ARHGAP8: variants seen among roughly 807,000 people sequenced by gnomAD.
ARHGAP8 encodes rho GTPase-activating protein 8.
A neutral mutation model predicts 46.1 loss-of-function variants in ARHGAP8; 62 were observed. The observed-to-expected ratio is 1.34, with a 90% confidence interval of 1.10 to 1.66. ARHGAP8 has a LOEUF of 1.66. Ranked by LOEUF, ARHGAP8 falls within the 40% of genes most tolerant of loss-of-function variation. ARHGAP8 has a pLI of 0.00. For synonymous variants in ARHGAP8, 375 were observed against 243.1 expected (o/e 1.54, Z -5.05); for missense variants, 923 against 568.4 (o/e 1.62, Z -6.34).
intron 1 of ARHGAP8, among the ~76,000 whole-genome samples, chr22:44,764,476 G>A (rs747736242): frequency 1.3e-5 from 2 of 152,202 alleles, no homozygotes; most frequent in Non-Finnish European, 2.9e-5. Flanking sequence ...TGGCGCGTGC[G>A]ACGGTGGTTC....
chr22:44,825,432 GCTGCCAGCTGCCC>G, intron 6 of ARHGAP8, 38 bp from the exon 7 acceptor site: 2 of 1,572,908 alleles, frequency 1.3e-6, no homozygotes, highest in Non-Finnish European at 1.7e-6. Flanking sequence ...CGCCTCCGTG[GCTGCCAGCTGCCC>G]CTGCCAGGTG....
intron 1 of ARHGAP8, among the ~76,000 whole-genome samples, chr22:44,781,243 A>G (rs1350394458): frequency 1.3e-5 from 2 of 151,834 alleles, no homozygotes; most frequent in African/African-American, 2.4e-5. Flanking sequence ...TTTTACATAC[A>G]TTGCTTGGTT....
chr22:44,859,846 A>AC lies in ARHGAP8; in HGVS notation c.981+12_981+13insC. The AC allele has an allele frequency of 6.2e-7, 1 of 1,612,496 alleles. No homozygotes were observed. Among genetic ancestry groups the AC allele is most frequent in the Non-Finnish European group, 8.5e-7 (1 of 1,179,338 alleles). On this transcript the variant is annotated intron_variant, in intron 11 of 11. Coordinates refer to ENST00000356099, the MANE Select transcript of ARHGAP8 (RefSeq NM_181335.3). ...GCTTCCTGCATGCGGTGAGTGGGGA[A>AC]GGGGGGAGCTTGGGGTGAAGCCCAG...
At chr22:44,754,430 A>G (rs1294517295) in intron 1 of ARHGAP8, among the ~76,000 whole-genome samples, 1 of 151,380 alleles carries the variant, frequency 6.6e-6, no homozygotes, top group Non-Finnish European at 1.5e-5. Flanking sequence ...ATCTCAGCTC[A>G]CTGCAACCTC....
At chr22:44,849,149 C>T (rs1208075061) in intron 10 of ARHGAP8, 89 bp downstream of exon 10, 6 of 1,583,720 alleles carry the variant, frequency 3.8e-6, no homozygotes, top group East Asian at 4.5e-5. Context: ...TCTGGGGTGG[C>T]CGAGGTGACG....
rs796490147 is a variant in ARHGAP8 at position 44,827,336 on chromosome 22, G to GTTTTTTTTTTTT, written c.596+1758_596+1769dup. Among the ~76,000 whole-genome samples the GTTTTTTTTTTTT allele has an allele frequency of 4.6e-3, 312 of 67,266 alleles. 68 individuals are homozygous for GTTTTTTTTTTTT. Among genetic ancestry groups the GTTTTTTTTTTTT allele is most frequent in the Non-Finnish European group, 5.3e-3 (206 of 38,954 alleles). 44.1% of individuals were successfully genotyped at this position (67,266 alleles called of 152,430 possible). On this transcript the variant is annotated intron_variant, in intron 7 of 11. Transcript: ENST00000356099. ...GGTGAGATAATACATTTGGGTGGTG[G>GTTTTTTTTTTTT]TTTTTTTTTTTTTTTTTTTTTTTTT...
At chr22:44,860,131 CCTGCTTGGGCTGAGT>C (rs1244489112) in intron 11 of ARHGAP8, among the ~76,000 whole-genome samples, 2 of 152,114 alleles carry the variant, frequency 1.3e-5, no homozygotes, top group African/African-American at 4.8e-5. Context: ...CATGTCATTT[CCTGCTTGGGCTGAGT>C]CTCTAGGAGG....
chr22:44,858,885 A>G (rs931867903), intron 10 of ARHGAP8, among the ~76,000 whole-genome samples: 14 of 151,776 alleles, frequency 9.2e-5, no homozygotes, highest in African/African-American at 3.1e-4. Context: ...TTTCTGTAAA[A>G]GGCCAGATAG....
intron 1 of ARHGAP8, among the ~76,000 whole-genome samples, chr22:44,773,156 G>A (rs1926170105): frequency 6.6e-6 from 1 of 152,156 alleles, no homozygotes; most frequent in Non-Finnish European, 1.5e-5. Flanking sequence ...GTACTAGATA[G>A]TGGGCTATTC....
At chr22:44,821,698 C>G (rs1023082387) in intron 5 of ARHGAP8, among the ~76,000 whole-genome samples, 1 of 152,230 alleles carries the variant, frequency 6.6e-6, no homozygotes, top group Non-Finnish European at 1.5e-5. Flanking sequence ...CTGCAAATAG[C>G]CTTGCATTGT....
chr22:44,760,024 C>T (rs963411088), intron 1 of ARHGAP8, among the ~76,000 whole-genome samples: 1 of 152,198 alleles, frequency 6.6e-6, no homozygotes, highest in African/African-American at 2.4e-5. Context: ...CCCCCTTGCC[C>T]TTTCAGGGTG....
chr22:44,861,868 G>C (rs1324395664), intron 11 of ARHGAP8, among the ~76,000 whole-genome samples: 1 of 152,150 alleles, frequency 6.6e-6, no homozygotes, highest in Non-Finnish European at 1.5e-5. Context: ...CCCTCGTAGT[G>C]GCCCCTAGAT....
At chr22:44,807,912 G>A (rs1929046796) in intron 3 of ARHGAP8, among the ~76,000 whole-genome samples, 1 of 152,214 alleles carries the variant, frequency 6.6e-6, no homozygotes, top group Non-Finnish European at 1.5e-5. Flanking sequence ...TGCCTTAGAA[G>A]GATGCATGTG....
intron 1 of ARHGAP8, among the ~76,000 whole-genome samples, chr22:44,758,501 G>T (rs1924866119): frequency 6.6e-6 from 1 of 152,208 alleles, no homozygotes; most frequent in Non-Finnish European, 1.5e-5. Context: ...CAGGCAGCCG[G>T]TGAGGAGGTA....
chr22:44,839,667 C>T (rs1359297547), intron 7 of ARHGAP8, among the ~76,000 whole-genome samples: 1 of 152,142 alleles, frequency 6.6e-6, no homozygotes, highest in African/African-American at 2.4e-5. Context: ...AACTTGGGCT[C>T]ATGAAACGAT....
intron 6 of ARHGAP8, among the ~76,000 whole-genome samples, chr22:44,823,703 G>A (rs1235144168): frequency 6.6e-6 from 1 of 152,172 alleles, no homozygotes; most frequent in Non-Finnish European, 1.5e-5. Flanking sequence ...TGTGGTGGAA[G>A]TGATTTGGTC....
chr22:44,767,042 C>T (rs1332495904), intron 1 of ARHGAP8, among the ~76,000 whole-genome samples: 1 of 152,164 alleles, frequency 6.6e-6, no homozygotes, highest in East Asian at 1.9e-4. Context: ...AATGCAGAGC[C>T]GGGAGTTACA....
At chr22:44,758,647 G>A (rs1205842045) in intron 1 of ARHGAP8, among the ~76,000 whole-genome samples, 4 of 151,654 alleles carry the variant, frequency 2.6e-5, no homozygotes, top group Admixed American at 6.6e-5. Flanking sequence ...GTGTGCAAAG[G>A]CCGTGAGGTG....
intron 2 of ARHGAP8, 96 bp downstream of exon 2, chr22:44,786,702 C>T: frequency 6.8e-7 from 1 of 1,475,360 alleles, no homozygotes; most frequent in Non-Finnish European, 9.1e-7. Flanking sequence ...GGCTGCCTCA[C>T]TGCAGCTGGG....
Sources: gnomAD v4.1 joint callset for allele counts (sites outside exome capture counted in the v4.1 genomes callset) on GRCh38, gnomAD v4.1.1 for gene constraint, MANE v1.5 for transcripts, NCBI Gene and HGNC (gene_info 2026-07-23, HGNC 2026-07-21) for gene names.